Variants in KIF13B observed in about 807,000 individuals in gnomAD.
The protein encoded by KIF13B is kinesin family member 13B.
A neutral mutation model predicts 222.0 loss-of-function variants in KIF13B; 127 were observed. The ratio of observed to expected loss-of-function variants is 0.57; its 90% CI spans 0.50 to 0.66. The LOEUF (loss-of-function observed/expected upper bound fraction) is 0.66. Among genes scored for constraint, KIF13B ranks in the 30% least tolerant of loss-of-function variants. KIF13B has a pLI of 0.00. For synonymous variants in KIF13B, 976 were observed against 919.0 expected (o/e 1.06, Z -1.12); for missense variants, 2,173 against 2,379.0 (o/e 0.91, Z 1.80).
intron 1 of KIF13B, among the ~76,000 whole-genome samples, chr8:29,261,147 T>C (rs1366336358): frequency 3.3e-5 from 5 of 152,186 alleles, no homozygotes; most frequent in Non-Finnish European, 7.3e-5. Flanking sequence ...CAGGAGGTAC[T>C]TTACACCAAA....
rs555214340 is a variant in KIF13B at position 29,247,034 on chromosome 8, T to A, written c.56-1595A>T. ...TATATCCACATGGCTTTGGATTAGGTAATGAACACCCAAAACACAGACAAC... is the reference window on the plus strand; with the variant it reads ...TATATCCACATGGCTTTGGATTAGGAAATGAACACCCAAAACACAGACAAC... On this transcript the variant is annotated intron_variant, in intron 1 of 39. Coordinates refer to ENST00000524189, the MANE Select transcript of KIF13B (RefSeq NM_015254.4). 3.9e-5 allele frequency among the ~76,000 whole-genome samples: 6 copies of A among 152,270 alleles called. No individual in the cohort carries two copies. The East Asian group carries it at 5.8e-4, about 15-fold the overall frequency.
At chr8:29,134,502 T>C (rs1810476314) in intron 21 of KIF13B, among the ~76,000 whole-genome samples, 1 of 152,188 alleles carries the variant, frequency 6.6e-6, no homozygotes, top group Non-Finnish European at 1.5e-5. Context: ...AATCATCATC[T>C]CGTTAATTCA....
intron 10 of KIF13B, among the ~76,000 whole-genome samples, chr8:29,171,272 C>A (rs1052855018): frequency 1.3e-5 from 2 of 152,170 alleles, no homozygotes; most frequent in Non-Finnish European, 2.9e-5. Flanking sequence ...TCAGCGAATG[C>A]GTAACCCTCA....
In KIF13B at chr8:29,071,632, C is replaced by A; in HGVS notation, c.5206G>T (p.Asp1736Tyr). 6.4e-7 allele frequency: 1 copy of A among 1,552,744 alleles called. No homozygotes were observed. Among genetic ancestry groups the A allele is most frequent in the Non-Finnish European group, 8.7e-7 (1 of 1,148,912 alleles). ...QEGTWVGVEL[D>Y]LPSGKNDGSI... Reference sequence around the variant, plus strand: ...GCCCGGTACCCACCTGAGGGCAGGTCGAGCTCCACGCCGACCCACGTGCCC... The same window carrying A: ...GCCCGGTACCCACCTGAGGGCAGGTAGAGCTCCACGCCGACCCACGTGCCC... The change falls in exon 39 of 40, where the codon GAC becomes TAC. Residue 1736 changes from aspartate to tyrosine, a missense_variant. By Grantham distance (160) the Asp-to-Tyr change is radical. Around this residue, in one of 2 missense-constraint regions of KIF13B, gnomAD observed 693 missense variants for 656.2 expected, o/e 1.06. Coordinates refer to ENST00000524189, the MANE Select transcript of KIF13B (RefSeq NM_015254.4). This position sits in a 1 kb window ranked among gnomAD's most constrained non-coding sequence, Gnocchi z 4.9.
chr8:29,139,844 A>G (rs1030089096), intron 21 of KIF13B, among the ~76,000 whole-genome samples: 2 of 152,126 alleles, frequency 1.3e-5, no homozygotes, highest in African/African-American at 4.8e-5. Context: ...GTGTTTGGAA[A>G]TGGAGGAGGC....
At chr8:29,098,684 C>T (rs138280830) in intron 36 of KIF13B, among the ~76,000 whole-genome samples, 1,513 of 149,856 alleles carry the variant, frequency 0.01, 28 homozygotes, top group African/African-American at 0.035. Context: ...CATGTAACTA[C>T]GGAATTTCAT....
intron 1 of KIF13B, among the ~76,000 whole-genome samples, chr8:29,261,172 A>C (rs1317908742): frequency 6.6e-6 from 1 of 152,212 alleles, no homozygotes; most frequent in Non-Finnish European, 1.5e-5. Context: ...GCACTTCTCT[A>C]TATAGGCTAA....
chr8:29,219,367 G>T (rs935133347), intron 2 of KIF13B: 1 of 152,144 alleles, frequency 6.6e-6, no homozygotes, highest in South Asian at 2.1e-4. Context: ...AAGCCTGATG[G>T]GGTGAAAAAG....
rs527812700 is a variant in KIF13B, at chr8:29,230,548, G to A, written c.149+14798C>T. Among the ~76,000 whole-genome samples the A allele has an allele frequency of 2.6e-3, 398 of 152,296 alleles. 4 individuals carry two copies. Among genetic ancestry groups the A allele is most frequent in the Middle Eastern group, 0.01 (3 of 294 alleles). ...CACAGACAAGGGCATGCGAGAGGACGTCTTAGTGTGGATTCCTCAGAAAGC... is the reference window on the plus strand; with the variant it reads ...CACAGACAAGGGCATGCGAGAGGACATCTTAGTGTGGATTCCTCAGAAAGC... On this transcript the variant is annotated intron_variant, in intron 2 of 39. Transcript: ENST00000524189.
At chr8:29,107,372 A>C (rs529476955) in intron 35 of KIF13B, among the ~76,000 whole-genome samples, 254 of 152,022 alleles carry the variant, frequency 1.7e-3, no homozygotes, top group African/African-American at 5.7e-3. Context: ...TAGTAAAAAC[A>C]TAAAAATTAG....
At chr8:29,224,863 G>C (rs945793332) in intron 2 of KIF13B, among the ~76,000 whole-genome samples, 1 of 152,186 alleles carries the variant, frequency 6.6e-6, no homozygotes, top group Admixed American at 6.5e-5. Context: ...ATTTAATAGG[G>C]ATGATGAGAC....
intron 1 of KIF13B, among the ~76,000 whole-genome samples, chr8:29,249,483 T>C (rs1373393676): frequency 1.4e-5 from 2 of 147,886 alleles, no homozygotes; most frequent in East Asian, 3.9e-4. Flanking sequence ...AACAATACCA[T>C]GTCAGAGTTA....
chr8:29,096,778 A>G (rs1394786549), intron 36 of KIF13B, among the ~76,000 whole-genome samples: 1 of 152,090 alleles, frequency 6.6e-6, no homozygotes, highest in Non-Finnish European at 1.5e-5. Flanking sequence ...TTGATAAGTT[A>G]AGGATGCCAA....
At chr8:29,111,855 CTAGACA>C (rs1432742393) in intron 32 of KIF13B, among the ~76,000 whole-genome samples, 1 of 152,160 alleles carries the variant, frequency 6.6e-6, no homozygotes, top group East Asian at 1.9e-4. Context: ...AAGTCTCTAG[CTAGACA>C]TAGATGTATA....
intron 6 of KIF13B, among the ~76,000 whole-genome samples, chr8:29,185,856 G>A (rs780821931): frequency 3.3e-5 from 5 of 152,150 alleles, no homozygotes; most frequent in South Asian, 2.1e-4. Context: ...TCTAGATACC[G>A]TGCACTTTCC....
chr8:29,196,668 T>C (rs1367426447), intron 2 of KIF13B, among the ~76,000 whole-genome samples: 1 of 152,222 alleles, frequency 6.6e-6, no homozygotes, highest in East Asian at 1.9e-4. Context: ...GAAAAAAGGC[T>C]AAATTAAAGA....
Position 29,164,825 on chromosome 8 carries a change from G to A in KIF13B, c.1269+837C>T, listed in dbSNP as rs113980072. On this transcript the variant is annotated intron_variant, in intron 12 of 39. Transcript: ENST00000524189. Reference sequence around the variant, plus strand: ...TAAACTTAACTAGATCTTCCTAGACGAATTCTAATGTTCCTACCCTAACGT... The same window carrying A: ...TAAACTTAACTAGATCTTCCTAGACAAATTCTAATGTTCCTACCCTAACGT... 7.8e-3 allele frequency among the ~76,000 whole-genome samples: 1,174 copies of A among 151,224 alleles called. 8 individuals are homozygous for A. Among genetic ancestry groups the A allele is most frequent in the African/African-American group, 0.012 (502 of 41,268 alleles).
At chr8:29,173,211 G>A (rs912092975) in intron 10 of KIF13B, among the ~76,000 whole-genome samples, 13 of 151,948 alleles carry the variant, frequency 8.6e-5, no homozygotes, top group East Asian at 1.9e-4. Flanking sequence ...CACCATGCCC[G>A]GCCAACAAAA....
At chr8:29,191,951 G>C (rs962437034) in intron 3 of KIF13B, among the ~76,000 whole-genome samples, 7 of 152,076 alleles carry the variant, frequency 4.6e-5, no homozygotes, top group Admixed American at 4.6e-4. Flanking sequence ...TCCCACTTTG[G>C]GAGTCTGTTG....
Sources: allele counts gnomAD v4.1 joint callset (sites outside exome capture counted in the v4.1 genomes callset), GRCh38; gene constraint gnomAD v4.1.1; regional missense constraint gnomAD v4.1.1; non-coding constraint Gnocchi (gnomAD v3.1); transcripts MANE v1.5; gene names NCBI Gene and HGNC (gene_info 2026-07-23, HGNC 2026-07-21).